CD247: variants seen among roughly 807,000 people sequenced by gnomAD.
CD247 encodes the protein T-cell surface glycoprotein CD3 zeta chain.
Under a neutral mutation model 30.0 loss-of-function variants are expected in CD247, and 13 were observed. That is an observed-to-expected ratio of 0.43 (90% CI 0.28 to 0.69). The LOEUF (loss-of-function observed/expected upper bound fraction) is 0.69, where lower values mean the gene tolerates loss of function less well. Ranked by LOEUF, CD247 falls within the 30% of genes least tolerant of loss-of-function variation. CD247 has a pLI of 0.16. For synonymous variants in CD247, 72 were observed against 80.0 expected (o/e 0.90, Z 0.53); for missense variants, 193 against 212.6 (o/e 0.91, Z 0.57).
chr1:167,447,408 T>A (rs1652135935), intron 1 of CD247, among the ~76,000 whole-genome samples: 1 of 151,984 alleles, frequency 6.6e-6, no homozygotes, highest in African/African-American at 2.4e-5. Context: ...ATATCTCTGG[T>A]GACAGGAAGC....
At chr1:167,503,439 T>C (rs983893194) in intron 1 of CD247, among the ~76,000 whole-genome samples, 2 of 152,164 alleles carry the variant, frequency 1.3e-5, no homozygotes, top group East Asian at 3.9e-4. Flanking sequence ...AGGGGTGAAA[T>C]TAATTTCCAT....
chr1:167,445,857 C>T (rs113929572), intron 1 of CD247, among the ~76,000 whole-genome samples: 13 of 152,254 alleles, frequency 8.5e-5, no homozygotes, highest in Admixed American at 2.6e-4. Context: ...TGGGCATCTG[C>T]GGGACTTACT....
At chr1:167,490,490 G>A (rs1329187857) in intron 1 of CD247, among the ~76,000 whole-genome samples, 1 of 152,106 alleles carries the variant, frequency 6.6e-6, no homozygotes, top group Non-Finnish European at 1.5e-5. Flanking sequence ...GGGCTTGGTG[G>A]CGCACGCCTG....
At chr1:167,495,240 C>T (rs766822880) in intron 1 of CD247, among the ~76,000 whole-genome samples, 3 of 152,152 alleles carry the variant, frequency 2.0e-5, no homozygotes, top group Non-Finnish European at 4.4e-5. Context: ...CCTCTCTAAG[C>T]CTCAGTTTCT....
intron 1 of CD247, chr1:167,459,755 G>A (rs969334393): frequency 6.6e-5 from 10 of 152,144 alleles, no homozygotes; most frequent in African/African-American, 2.2e-4. Context: ...CATATTATTT[G>A]AAAATGTGGC....
chr1:167,448,730 G>A (rs750785212), intron 1 of CD247, among the ~76,000 whole-genome samples: 2 of 152,088 alleles, frequency 1.3e-5, no homozygotes, highest in Non-Finnish European at 2.9e-5. Flanking sequence ...GTGTGGTGGC[G>A]GGCGCCTGTA....
rs114419756 is a variant in CD247 at position 167,492,750 on chromosome 1, A to G, written c.58+25658T>C. ...GATCCATCTCAAAGGGATGCCTACC[A>G]GGGTAGGTGTGTGGGAGGAAGGCTG... On this transcript the variant is annotated intron_variant, in intron 1 of 7. Transcript: ENST00000362089. 8.5e-3 allele frequency among the ~76,000 whole-genome samples: 1,296 copies of G among 152,228 alleles called. 15 individuals carry two copies. The highest frequency in any genetic ancestry group is 0.03 in the African/African-American group (1,238 of 41,534).
intron 1 of CD247, among the ~76,000 whole-genome samples, chr1:167,472,718 A>C (rs1653581406): frequency 6.6e-6 from 1 of 152,174 alleles, no homozygotes; most frequent in African/African-American, 2.4e-5. Flanking sequence ...AAGTGGGCAA[A>C]GGCATCTGTT....
intron 1 of CD247, among the ~76,000 whole-genome samples, chr1:167,445,690 T>C (rs1224533069): frequency 1.3e-5 from 2 of 152,126 alleles, no homozygotes; most frequent in Non-Finnish European, 2.9e-5. Context: ...TGAATTGCGT[T>C]GTTTGTCTGT....
intron 1 of CD247, among the ~76,000 whole-genome samples, chr1:167,502,737 C>T (rs1294483143): frequency 2.0e-5 from 3 of 152,142 alleles, no homozygotes; most frequent in African/African-American, 4.8e-5. Flanking sequence ...AAATTGGACA[C>T]AGAGACAGCC....
At chr1:167,472,538 T>C (rs1460992967) in intron 1 of CD247, among the ~76,000 whole-genome samples, 1 of 152,148 alleles carries the variant, frequency 6.6e-6, no homozygotes, top group African/African-American at 2.4e-5. Context: ...GAAAGCAAAA[T>C]GTGGACTTTT....
chr1:167,460,060 C>A (rs1043228573), intron 1 of CD247, among the ~76,000 whole-genome samples: 7 of 152,148 alleles, frequency 4.6e-5, no homozygotes, highest in Admixed American at 1.3e-4. Flanking sequence ...TGGCATCATT[C>A]CTGTGTTTTC....
At chr1:167,466,777 T>C (rs768147838) in intron 1 of CD247, among the ~76,000 whole-genome samples, 2 of 151,966 alleles carry the variant, frequency 1.3e-5, no homozygotes, top group Non-Finnish European at 2.9e-5. Context: ...AGCCCCTTGA[T>C]TAGTTAGTTA....
chr1:167,476,193 C>T (rs974431308), intron 1 of CD247, among the ~76,000 whole-genome samples: 34 of 152,078 alleles, frequency 2.2e-4, no homozygotes, highest in Admixed American at 7.9e-4. Context: ...GTTGAAATGG[C>T]GCCTTTCTTG....
intron 1 of CD247, among the ~76,000 whole-genome samples, chr1:167,505,694 G>A (rs1416207032): frequency 2.0e-5 from 3 of 152,242 alleles, no homozygotes; most frequent in Non-Finnish European, 4.4e-5. Flanking sequence ...AGTGGAGGGA[G>A]ACCAAGGTAG....
intron 1 of CD247, among the ~76,000 whole-genome samples, chr1:167,461,866 A>G (rs1352050370): frequency 1.3e-5 from 2 of 152,108 alleles, no homozygotes; most frequent in South Asian, 2.1e-4. Context: ...GTCAAAGTAC[A>G]TTTTTGATGC....
rs555809283 is a variant in CD247 at position 167,440,872 on chromosome 1, C to G, written c.59-105G>C. 5.5e-6 allele frequency: 4 copies of G among 731,744 alleles called. No individual in the cohort carries two copies. In the East Asian group the frequency reaches 1.1e-4, roughly 19 times the overall value. The allele number at this position is 731,744 out of a possible 1,614,324, so 45.3% of individuals were successfully genotyped here. A position where few individuals can be genotyped will look rare whatever the true frequency, so the allele number is the denominator to read the frequency against. ...CTGACTGACCAAATAAATCATGACA[C>G]GGAGACTATATCCAATCCCCATGCC... is the stretch of plus-strand genomic sequence containing the variant. On this transcript the variant is annotated intron_variant, in intron 1 of 7. Coordinates refer to ENST00000362089, the MANE Select transcript of CD247 (RefSeq NM_198053.3).
chr1:167,476,819 T>G (rs1214739620), intron 1 of CD247, among the ~76,000 whole-genome samples: 2 of 152,126 alleles, frequency 1.3e-5, no homozygotes, highest in African/African-American at 4.8e-5. Flanking sequence ...AATAATAACA[T>G]CTAACACATA....
intron 1 of CD247, chr1:167,457,559 C>G (rs1163653896): frequency 6.6e-6 from 1 of 152,290 alleles, no homozygotes; most frequent in Non-Finnish European, 1.5e-5. Flanking sequence ...AGGGAGCACA[C>G]GCTTGTCTGT....
Sources: allele counts gnomAD v4.1 joint callset (sites outside exome capture counted in the v4.1 genomes callset), GRCh38; gene constraint gnomAD v4.1.1; transcripts MANE v1.5; gene names NCBI Gene and HGNC (gene_info 2026-07-23, HGNC 2026-07-21).